Variants in POLE2 observed in about 807,000 individuals in gnomAD.
POLE2 encodes DNA polymerase epsilon 2, accessory subunit, also known as DNA polymerase epsilon subunit 2.
Under a neutral mutation model 79.4 loss-of-function variants are expected in POLE2, and 56 were observed. The observed-to-expected ratio is 0.71, with a 90% CI of 0.57 to 0.88. The LOEUF (loss-of-function observed/expected upper bound fraction) is 0.88, where lower values mean the gene tolerates loss of function less well. Among genes scored for constraint, POLE2 ranks in the 40% least tolerant of loss-of-function variants. The probability of loss-of-function intolerance (pLI) is 0.00; values close to 1 mark genes in which losing one functional copy is unlikely to be tolerated. For missense variants in POLE2, 598 were observed against 638.9 expected (o/e 0.94, Z 0.69); for synonymous variants, 212 against 214.0 (o/e 0.99, Z 0.08).
At chr14:49,652,058 G>GGGGTCCCTTTTTCCAATGA (rs1225644102) in intron 15 of POLE2, among the ~76,000 whole-genome samples, 2 of 152,038 alleles carry the variant, frequency 1.3e-5, no homozygotes, top group African/African-American at 4.8e-5. Context: ...TAAATCACGA[G>GGGGTCCCTTTTTCCAATGA]GGGTCCCTTT....
Position 49,666,371 on chromosome 14 carries a change from C to T in POLE2, c.535G>A (p.Gly179Arg), listed in dbSNP as rs767851728. 7.8e-6 allele frequency: 12 copies of T among 1,546,188 alleles called. No homozygotes were observed. In the Admixed American group the frequency reaches 8.3e-5, roughly 11 times the overall value. Residue 179 changes from glycine to arginine, a missense_variant, in exon 7 of 19, where the codon GGA becomes AGA. Coordinates refer to ENST00000216367, the MANE Select transcript of POLE2 (RefSeq NM_002692.4). The part of the protein sequence containing the change: ...ETLLGSTTKI[G>R]DAIVLGMITQ... ...ATCATTCCAAGAACAATCGCATCTC[C>T]GATTTTGGTTGTACTACCCAATAAG... is the stretch of plus-strand genomic sequence containing the variant.
chr14:49,677,734 C>A, intron 3 of POLE2: 3 of 1,377,306 alleles, frequency 2.2e-6, no homozygotes, highest in East Asian at 2.7e-5. Context: ...AGAACCAACT[C>A]AGCATCCCAC....
At chr14:49,669,492 T>C (rs1388591773) in intron 6 of POLE2, 32 bp downstream of exon 6, 14 of 1,007,486 alleles carry the variant, frequency 1.4e-5, no homozygotes, top group South Asian at 3.9e-5. Context: ...TACACACTTA[T>C]ACCCCCTACA....
At chr14:49,668,807 G>C (rs1277962071) in intron 6 of POLE2, among the ~76,000 whole-genome samples, 1 of 151,994 alleles carries the variant, frequency 6.6e-6, no homozygotes, top group Non-Finnish European at 1.5e-5. Flanking sequence ...TAAAAGTTTT[G>C]TTTGTTTGTT....
intron 2 of POLE2, among the ~76,000 whole-genome samples, chr14:49,683,318 C>T (rs1886868196): frequency 6.6e-6 from 1 of 152,070 alleles, no homozygotes. Context: ...AAGAAAATTG[C>T]TTGAACCCGG....
chr14:49,654,871 G>T, intron 12 of POLE2, 33 bp from the exon 13 acceptor site: 1 of 1,465,814 alleles, frequency 6.8e-7, no homozygotes, highest in Non-Finnish European at 9.0e-7. Context: ...AATTAAATTT[G>T]CATATAATGC....
At chr14:49,661,537 T>A (rs916156587) in intron 10 of POLE2, among the ~76,000 whole-genome samples, 6 of 152,172 alleles carry the variant, frequency 3.9e-5, no homozygotes, top group African/African-American at 1.4e-4. Context: ...AAAGCCTTAC[T>A]CACATCTTCC....
At chr14:49,671,618 GAAAAA>G (rs71115391) in intron 5 of POLE2, among the ~76,000 whole-genome samples, 1 of 58,702 alleles carries the variant, frequency 1.7e-5, no homozygotes, top group Non-Finnish European at 3.1e-5. Flanking sequence ...CTCTGCCTCA[GAAAAA>G]AAAAAAAAAA....
At chr14:49,648,137 G>C (rs1883922453) in intron 17 of POLE2, among the ~76,000 whole-genome samples, 2 of 152,200 alleles carry the variant, frequency 1.3e-5, no homozygotes, top group Admixed American at 1.3e-4. Flanking sequence ...AAGCAACTGA[G>C]CAATAATCAC....
chr14:49,672,352 G>T (rs1049060651), intron 5 of POLE2, among the ~76,000 whole-genome samples: 2 of 152,138 alleles, frequency 1.3e-5, no homozygotes, highest in Non-Finnish European at 2.9e-5. Flanking sequence ...GTCGGCAATG[G>T]AAGCAGCAGA....
At chr14:49,649,476 G>A (rs1884044267) in intron 17 of POLE2, among the ~76,000 whole-genome samples, 3 of 144,504 alleles carry the variant, frequency 2.1e-5, no homozygotes, top group South Asian at 4.4e-4. Flanking sequence ...TTGAGATGGA[G>A]TCTCGCTCTG....
At chr14:49,676,132 C>G (rs1886261239) in intron 3 of POLE2, among the ~76,000 whole-genome samples, 1 of 152,066 alleles carries the variant, frequency 6.6e-6, no homozygotes, top group Admixed American at 6.6e-5. Context: ...CTGGCCATAT[C>G]TTTCAGACTT....
chr14:49,667,635 A>T (rs1221446243), intron 6 of POLE2, among the ~76,000 whole-genome samples: 1 of 151,830 alleles, frequency 6.6e-6, no homozygotes, highest in Non-Finnish European at 1.5e-5. Context: ...GCAGCCTTAA[A>T]CTGGGCTCAA....
rs1354834456 is a variant in POLE2 at position 49,658,232 on chromosome 14, A to G, written c.756-2389T>C. ...GCTGGGACTACAGGCACCTGCCACC[A>G]CGCCCGGCTAATTTTTTGTAGTTTT... is the stretch of plus-strand genomic sequence containing the variant. On this transcript the variant is annotated intron_variant, in intron 10 of 18. Transcript: ENST00000216367. 2.0e-5 allele frequency among the ~76,000 whole-genome samples: 3 copies of G among 151,870 alleles called. No homozygotes were observed. In the East Asian group the frequency reaches 5.8e-4, roughly 29 times the overall value.
At chr14:49,686,692 G>A (rs533363315) in intron 1 of POLE2, among the ~76,000 whole-genome samples, 2 of 152,174 alleles carry the variant, frequency 1.3e-5, no homozygotes, top group Admixed American at 6.5e-5. Flanking sequence ...ACCCCAGCAC[G>A]GTGCTTTGCA....
At chr14:49,658,974 T>G (rs909672797) in intron 10 of POLE2, among the ~76,000 whole-genome samples, 3 of 152,192 alleles carry the variant, frequency 2.0e-5, no homozygotes, top group African/African-American at 7.2e-5. Flanking sequence ...TTACTACAGA[T>G]GGCAGCTCCA....
At chr14:49,669,746 T>C (rs1885739227) in intron 5 of POLE2, 148 bp from the exon 6 acceptor site, 3 of 588,556 alleles carry the variant, frequency 5.1e-6, no homozygotes, top group Admixed American at 3.1e-5. Flanking sequence ...TAATTTAACA[T>C]ACAAATATCT....
intron 18 of POLE2, among the ~76,000 whole-genome samples, chr14:49,645,066 G>C (rs1258176755): frequency 8.3e-6 from 1 of 119,822 alleles, no homozygotes; most frequent in Non-Finnish European, 1.9e-5. Context: ...AAACACTGCA[G>C]TAAAAAGCCA....
At chr14:49,667,885 T>G (rs1419505284) in intron 6 of POLE2, among the ~76,000 whole-genome samples, 4 of 152,166 alleles carry the variant, frequency 2.6e-5, no homozygotes, top group African/African-American at 9.6e-5. Flanking sequence ...GAAAAAAATT[T>G]AAAATATAGA....
Sources: gnomAD v4.1 joint callset for allele counts (sites outside exome capture counted in the v4.1 genomes callset) on GRCh38, gnomAD v4.1.1 for gene constraint, MANE v1.5 for transcripts, NCBI Gene and HGNC (gene_info 2026-07-23, HGNC 2026-07-21) for gene names.